The following CHST9 variants were observed in gnomAD, a reference collection of about 807,000 sequenced individuals.
The protein encoded by CHST9 is GalNAc-4-sulfotransferase 2.
A neutral mutation model predicts 44.4 loss-of-function variants in CHST9; 41 were observed. That is an observed-to-expected ratio of 0.92 (90% CI 0.72 to 1.20). The LOEUF (loss-of-function observed/expected upper bound fraction) is 1.20. Ranked by LOEUF, CHST9 falls within the 50% of genes most tolerant of loss-of-function variation. The pLI is 0.00. For synonymous variants in CHST9, 171 were observed against 178.4 expected (o/e 0.96, Z 0.33); for missense variants, 504 against 516.5 (o/e 0.98, Z 0.23).
At chr18:27,179,491 A>T (rs966121813) in intron 1 of CHST9, among the ~76,000 whole-genome samples, 1 of 152,044 alleles carries the variant, frequency 6.6e-6, no homozygotes, top group Admixed American at 6.6e-5. Context: ...ATGGCAAGTG[A>T]CACACCTACA....
At chr18:26,980,348 C>T (rs770513180) in intron 4 of CHST9, among the ~76,000 whole-genome samples, 5 of 152,030 alleles carry the variant, frequency 3.3e-5, no homozygotes, top group Non-Finnish European at 7.4e-5. Context: ...TGTAAGAAAC[C>T]AGTGCTTAAT....
chr18:27,103,827 T>A (rs567723717), intron 2 of CHST9, among the ~76,000 whole-genome samples: 1 of 152,320 alleles, frequency 6.6e-6, no homozygotes, highest in East Asian at 1.9e-4. Flanking sequence ...TTAATGCTTT[T>A]CTTGCTCTCA....
At chr18:27,138,518 TACTC>T (rs1291833824) in intron 2 of CHST9, among the ~76,000 whole-genome samples, 2 of 152,154 alleles carry the variant, frequency 1.3e-5, no homozygotes, top group African/African-American at 4.8e-5. Context: ...TTTTAAACCT[TACTC>T]AGTCAAGGCA....
chr18:27,108,369 T>C (rs2058240696), intron 2 of CHST9, among the ~76,000 whole-genome samples: 1 of 152,228 alleles, frequency 6.6e-6, no homozygotes, highest in Non-Finnish European at 1.5e-5. Flanking sequence ...CGTACATTAT[T>C]GTATAGCAAT....
At chr18:27,036,147 C>T (rs1221459014) in intron 3 of CHST9, among the ~76,000 whole-genome samples, 3 of 151,856 alleles carry the variant, frequency 2.0e-5, no homozygotes, top group African/African-American at 7.3e-5. Context: ...GAATGCAGAC[C>T]GAATACAGAC....
rs574961063 is a variant in CHST9 at position 27,134,101 on chromosome 18, A to T, written c.121+8588T>A. Among the ~76,000 whole-genome samples, 19 of 152,340 alleles carry T rather than the reference A, an allele frequency of 1.2e-4. No homozygotes were observed. In the South Asian group the frequency reaches 2.5e-3, roughly 20 times the overall value. On this transcript the variant is annotated intron_variant, in intron 2 of 5. Transcript: ENST00000618847. The stretch of plus-strand genomic sequence containing the variant: ...GGTATACAGAGATAACCTGAAAGAA[A>T]ATACAATTTCAAAACAGCAACATCG...
At chr18:27,092,808 G>A (rs1360963390) in intron 2 of CHST9, among the ~76,000 whole-genome samples, 5 of 152,204 alleles carry the variant, frequency 3.3e-5, no homozygotes, top group East Asian at 1.9e-4. Context: ...TGGTCTGAGA[G>A]ACAGTTTGTT....
intron 3 of CHST9, among the ~76,000 whole-genome samples, chr18:27,037,249 C>T (rs2057399192): frequency 1.3e-5 from 2 of 152,130 alleles, no homozygotes; most frequent in Admixed American, 6.5e-5. Context: ...TTACTTTTCA[C>T]CCAGAAAAGA....
chr18:26,971,625 GATGCTGTGT>G (rs1412442498), intron 4 of CHST9, among the ~76,000 whole-genome samples: 7 of 152,254 alleles, frequency 4.6e-5, no homozygotes, highest in African/African-American at 1.7e-4. Context: ...GAAAGGTGCA[GATGCTGTGT>G]CAGAGGGAGG....
intron 5 of CHST9, among the ~76,000 whole-genome samples, chr18:26,939,453 C>A (rs961345886): frequency 4.6e-5 from 7 of 152,202 alleles, no homozygotes; most frequent in African/African-American, 1.7e-4. Flanking sequence ...AGGTTAGAAA[C>A]GTATTGTATG....
In CHST9 at chr18:27,048,965, T is replaced by C. The variant is rs187440002; in HGVS notation, c.122-462A>G. ...ATTTTAAGAAAGGAGGGGGTGCTCA[T>C]GAAGTTATGGAGAAAGTGGTATTTG... On this transcript the variant is annotated intron_variant, in intron 2 of 5. Transcript: ENST00000618847. 3.3e-5 allele frequency among the ~76,000 whole-genome samples: 5 copies of C among 152,212 alleles called. No homozygotes were observed. In the East Asian group the frequency reaches 9.7e-4, roughly 29 times the overall value.
At chr18:27,093,018 A>T (rs1046980642) in intron 2 of CHST9, among the ~76,000 whole-genome samples, 3 of 152,128 alleles carry the variant, frequency 2.0e-5, no homozygotes, top group African/African-American at 7.2e-5. Flanking sequence ...CTGGAGTTCT[A>T]TTCCAGACCC....
At chr18:26,998,895 G>C (rs368732775) in intron 4 of CHST9, among the ~76,000 whole-genome samples, 39 of 152,180 alleles carry the variant, frequency 2.6e-4, no homozygotes, top group African/African-American at 5.1e-4. Context: ...GACCTTTGAG[G>C]CCACGCTCTT....
chr18:27,036,682 G>A (rs1202414137), intron 3 of CHST9, among the ~76,000 whole-genome samples: 5 of 152,122 alleles, frequency 3.3e-5, no homozygotes, highest in South Asian at 2.1e-4. Context: ...ACTGGGCCAC[G>A]ACATGATTTT....
rs545859570 is a variant in CHST9 at position 26,915,169 on chromosome 18, A to G, written c.*1090T>C. 169 of 390,018 alleles carry G rather than the reference A, an allele frequency of 4.3e-4. 1 individual carries two copies. The highest frequency in any genetic ancestry group is 6.6e-4 in the Non-Finnish European group (147 of 221,094). 24.2% of individuals were successfully genotyped at this position (390,018 alleles called of 1,614,324 possible). A position where few individuals can be genotyped will look rare whatever the true frequency, so the allele number is the denominator to read the frequency against. On this transcript the variant is annotated 3_prime_UTR_variant, in exon 6 of 6. Transcript: ENST00000618847. ...AGAAAATACCTTAATTTACTTATGC[A>G]TAAGCCTATTAAACACATTTCTAGG...
chr18:26,991,672 C>CT (rs2056818371), intron 4 of CHST9, among the ~76,000 whole-genome samples: 1 of 66,990 alleles, frequency 1.5e-5, no homozygotes, highest in Non-Finnish European at 4.1e-5. Context: ...AAGCACCTGC[C>CT]AGTGAAAGCA....
intron 2 of CHST9, among the ~76,000 whole-genome samples, chr18:27,097,111 G>T (rs563772355): frequency 6.6e-6 from 1 of 152,172 alleles, no homozygotes; most frequent in South Asian, 2.1e-4. Flanking sequence ...GGGATACAAG[G>T]TTGGTTCAAT....
intron 4 of CHST9, among the ~76,000 whole-genome samples, chr18:26,948,335 A>T (rs1384780830): frequency 6.6e-6 from 1 of 152,148 alleles, no homozygotes; most frequent in Non-Finnish European, 1.5e-5. Flanking sequence ...ACCATGGCAC[A>T]TTATACCTAT....
chr18:27,090,701 G>A (rs977604280), intron 2 of CHST9, among the ~76,000 whole-genome samples: 21 of 152,116 alleles, frequency 1.4e-4, no homozygotes, highest in African/African-American at 5.1e-4. Context: ...ATTAAATAGG[G>A]AATCCTTTCC....
Sources: gnomAD v4.1 joint callset for allele counts (sites outside exome capture counted in the v4.1 genomes callset) on GRCh38, gnomAD v4.1.1 for gene constraint, MANE v1.5 for transcripts, NCBI Gene and HGNC (gene_info 2026-07-23, HGNC 2026-07-21) for gene names.